Variants in EIF2B3 observed in about 807,000 individuals in gnomAD.
The protein encoded by EIF2B3 is translation initiation factor eIF2B subunit gamma.
EIF2B3 carries 20 observed loss-of-function variants against 54.1 expected under a neutral mutation model. The observed-to-expected ratio is 0.37, with a 90% CI of 0.26 to 0.54. EIF2B3 has a LOEUF of 0.54. Among genes scored for constraint, EIF2B3 ranks in the 20% least tolerant of loss-of-function variants. The pLI is 0.86. For missense variants in EIF2B3, 448 were observed against 547.8 expected, an observed-to-expected ratio of 0.82 and a Z score of 1.82; for synonymous variants, 153 against 188.1, an observed-to-expected ratio of 0.81 and a Z score of 1.52.
At chr1:44,943,829 T>C (rs369412944) in intron 3 of EIF2B3, among the ~76,000 whole-genome samples, 1 of 152,220 alleles carries the variant, frequency 6.6e-6, no homozygotes. Context: ...CTAAAGAATC[T>C]GTATTACTGA....
chr1:44,985,415 T>C (rs963859923), intron 1 of EIF2B3, among the ~76,000 whole-genome samples: 6 of 152,090 alleles, frequency 3.9e-5, no homozygotes, highest in Admixed American at 1.3e-4. Context: ...ACGGGTTTCA[T>C]TGCACGTATG....
chr1:44,917,397 G>A (rs1001998945), intron 5 of EIF2B3, among the ~76,000 whole-genome samples: 2 of 151,354 alleles, frequency 1.3e-5, no homozygotes, highest in Non-Finnish European at 2.9e-5. Context: ...GGTGGCTGAG[G>A]CAGGAGAATA....
chr1:44,959,299 A>G, intron 3 of EIF2B3: 1 of 649,604 alleles, frequency 1.5e-6, no homozygotes, highest in Admixed American at 2.1e-5. Flanking sequence ...AGCACCTGAA[A>G]CCAGCAACAG....
chr1:44,922,835 G>GGTT (rs1188137639), intron 5 of EIF2B3, among the ~76,000 whole-genome samples: 1 of 72,858 alleles, frequency 1.4e-5, no homozygotes, highest in Non-Finnish European at 2.9e-5. Flanking sequence ...TTCTTTTTCA[G>GGTT]ATTTTTTTTT....
At chr1:44,858,209 C>T (rs973581609) in intron 10 of EIF2B3, among the ~76,000 whole-genome samples, 3 of 151,402 alleles carry the variant, frequency 2.0e-5, no homozygotes, top group Non-Finnish European at 2.9e-5. Flanking sequence ...GCTGGGACTA[C>T]AGGTGAACAC....
chr1:44,909,311 C>T (rs1342616119), intron 5 of EIF2B3, among the ~76,000 whole-genome samples: 1 of 150,658 alleles, frequency 6.6e-6, no homozygotes, highest in African/African-American at 2.5e-5. Context: ...ACTGAAGTGT[C>T]AGTACAGATT....
At chr1:44,976,753 T>C (rs1644457428) in intron 3 of EIF2B3, among the ~76,000 whole-genome samples, 1 of 152,180 alleles carries the variant, frequency 6.6e-6, no homozygotes, top group African/African-American at 2.4e-5. Flanking sequence ...TTCAATAACA[T>C]GAAAGAATCT....
intron 6 of EIF2B3, among the ~76,000 whole-genome samples, chr1:44,889,107 T>C (rs1655705279): frequency 6.6e-6 from 1 of 152,236 alleles, no homozygotes; most frequent in Admixed American, 6.5e-5. Context: ...TAGTTGATTA[T>C]CTTTCCCTCC....
At chr1:44,910,169 T>C (rs922491310) in intron 5 of EIF2B3, among the ~76,000 whole-genome samples, 2 of 152,224 alleles carry the variant, frequency 1.3e-5, no homozygotes, top group African/African-American at 4.8e-5. Context: ...CTTTTACTTA[T>C]GAACTATTAA....
chr1:44,908,489 C>T (rs1459944892), intron 5 of EIF2B3, among the ~76,000 whole-genome samples: 2 of 152,008 alleles, frequency 1.3e-5, no homozygotes, highest in African/African-American at 2.4e-5. Context: ...TTACCAGGAA[C>T]GGTGAAAAGT....
chr1:44,897,591 C>G (rs1656015448), intron 5 of EIF2B3, 147 bp from the exon 6 acceptor site: 2 of 672,256 alleles, frequency 3.0e-6, no homozygotes, highest in African/African-American at 3.6e-5. Context: ...GAGACCAGGA[C>G]AGTGGACCCC....
chr1:44,955,545 T>C (rs372210962), intron 3 of EIF2B3, among the ~76,000 whole-genome samples: 3 of 151,998 alleles, frequency 2.0e-5, no homozygotes, highest in African/African-American at 4.8e-5. Context: ...AGCTTCTGCA[T>C]AGCAAAAGAA....
At chr1:44,958,911 A>G in intron 3 of EIF2B3, 2 of 797,960 alleles carry the variant, frequency 2.5e-6, no homozygotes, top group Non-Finnish European at 4.4e-6. Flanking sequence ...GGGCCATCTG[A>G]AACAGACGGA....
rs35648368 is a variant in EIF2B3, at chr1:44,897,745, T to TTC, written c.567-302_567-301insGA. Among the ~76,000 whole-genome samples, 991 of 151,702 alleles carry TTC rather than the reference T, an allele frequency of 6.5e-3. 13 individuals carry two copies. Among genetic ancestry groups the TTC allele is most frequent in the African/African-American group, 0.023 (940 of 41,298 alleles). On this transcript the variant is annotated intron_variant, in intron 5 of 11. Transcript: ENST00000360403. ...TTCTATTTGATCGTTAACTTTTTTTTTTTTTTTTTTTGAGACAGTCTTGCT... is the reference window on the plus strand; with the variant it reads ...TTCTATTTGATCGTTAACTTTTTTTTTCTTTTTTTTTTTGAGACAGTCTTGCT...
At chr1:44,959,558 T>A (rs1569844664) in intron 3 of EIF2B3, among the ~76,000 whole-genome samples, 1 of 152,286 alleles carries the variant, frequency 6.6e-6, no homozygotes, top group South Asian at 2.1e-4. Context: ...AACGTAAAGA[T>A]AATTTAGCTA....
intron 3 of EIF2B3, among the ~76,000 whole-genome samples, chr1:44,942,542 C>T (rs1464719099): frequency 6.8e-6 from 1 of 147,000 alleles, no homozygotes; most frequent in African/African-American, 2.5e-5. Context: ...ATCCTCCTGC[C>T]TCAGCCTCCC....
intron 3 of EIF2B3, chr1:44,972,645 C>CACAG (rs1423200347): frequency 6.6e-6 from 1 of 152,142 alleles, no homozygotes; most frequent in Non-Finnish European, 1.5e-5. Flanking sequence ...CACACACACA[C>CACAG]ACACACACAC....
chr1:44,882,465 G>A (rs1655434204), intron 6 of EIF2B3, among the ~76,000 whole-genome samples: 1 of 151,176 alleles, frequency 6.6e-6, no homozygotes, highest in African/African-American at 2.4e-5. Context: ...CTGAGACAGG[G>A]TCTCACTCTG....
intron 6 of EIF2B3, among the ~76,000 whole-genome samples, chr1:44,882,777 G>T (rs1569608890): frequency 6.6e-6 from 1 of 151,860 alleles, no homozygotes; most frequent in East Asian, 1.9e-4. Context: ...ACAATGCCTG[G>T]CTGTTTTTGT....
Sources: gnomAD v4.1 joint callset for allele counts (sites outside exome capture counted in the v4.1 genomes callset) on GRCh38, gnomAD v4.1.1 for gene constraint, MANE v1.5 for transcripts, NCBI Gene and HGNC (gene_info 2026-07-23, HGNC 2026-07-21) for gene names.